The following TESK2 variants were observed in gnomAD, a reference collection of about 807,000 sequenced individuals.
TESK2 encodes dual specificity testis-specific protein kinase 2.
In TESK2, 39 loss-of-function variants were observed where a neutral mutation model predicts 57.1. The ratio of observed to expected loss-of-function variants is 0.68; its 90% CI spans 0.53 to 0.89. The LOEUF (loss-of-function observed/expected upper bound fraction) is 0.89, where lower values mean the gene tolerates loss of function less well. Among genes scored for constraint, TESK2 ranks in the 40% least tolerant of loss-of-function variants. TESK2 has a pLI of 0.00. For missense variants in TESK2, 646 were observed against 732.1 expected (o/e 0.88, Z 1.36); for synonymous variants, 249 against 267.9 (o/e 0.93, Z 0.69).
At chr1:45,405,255 A>G (rs140387944) in intron 3 of TESK2, among the ~76,000 whole-genome samples, 8 of 152,110 alleles carry the variant, frequency 5.3e-5, no homozygotes, top group Non-Finnish European at 1.0e-4. Flanking sequence ...TGCCAAGTTG[A>G]TATCTCCTGA....
chr1:45,423,164 G>A (rs79019514), intron 2 of TESK2, among the ~76,000 whole-genome samples: 1 of 152,126 alleles, frequency 6.6e-6, no homozygotes, highest in African/African-American at 2.4e-5. Flanking sequence ...CATTCTAAGT[G>A]TGCAAAACGA....
At chr1:45,362,127 T>G (rs1396245819) in intron 4 of TESK2, among the ~76,000 whole-genome samples, 1 of 152,176 alleles carries the variant, frequency 6.6e-6, no homozygotes, top group African/African-American at 2.4e-5. Context: ...CACCAAACAC[T>G]GAATCTGCCT....
At chr1:45,384,593 A>T (rs1460198958) in intron 4 of TESK2, among the ~76,000 whole-genome samples, 35 of 70,870 alleles carry the variant, frequency 4.9e-4, no homozygotes, top group African/African-American at 8.5e-4. Flanking sequence ...CTAATTATTA[A>T]TTTTTTTTTT....
chr1:45,413,797 T>A (rs1650130313), intron 3 of TESK2: 3 of 455,904 alleles, frequency 6.6e-6, no homozygotes, highest in South Asian at 4.6e-5. Context: ...AATCCTAGGG[T>A]TCCAAGAGAT....
intron 2 of TESK2, among the ~76,000 whole-genome samples, chr1:45,438,019 A>G (rs1458102295): frequency 6.6e-6 from 1 of 152,118 alleles, no homozygotes; most frequent in East Asian, 1.9e-4. Context: ...TCACCCAATG[A>G]CTCTGAAAAC....
intron 3 of TESK2, among the ~76,000 whole-genome samples, chr1:45,418,589 C>G (rs1557565224): frequency 6.6e-6 from 1 of 152,148 alleles, no homozygotes; most frequent in Non-Finnish European, 1.5e-5. Context: ...GAGACTTTGG[C>G]CCATACATAA....
intron 4 of TESK2, among the ~76,000 whole-genome samples, chr1:45,381,472 T>C (rs761480517): frequency 9.2e-5 from 14 of 152,184 alleles, no homozygotes; most frequent in Non-Finnish European, 1.8e-4. Flanking sequence ...GTCATATTCT[T>C]GCTATTCTGG....
At chr1:45,422,759 T>TTTGTTGTTGTTGTTGTTG (rs140964940) in intron 2 of TESK2, among the ~76,000 whole-genome samples, 1,632 of 146,994 alleles carry the variant, frequency 0.011, 19 homozygotes, top group Non-Finnish European at 0.011. Flanking sequence ...TGTCTGGTTT[T>TTTGTTGTTGTTGTTGTTG]TTGTTGTTGT....
At chr1:45,393,464 C>T (rs766508200) in intron 3 of TESK2, among the ~76,000 whole-genome samples, 3 of 152,088 alleles carry the variant, frequency 2.0e-5, no homozygotes, top group Admixed American at 6.5e-5. Flanking sequence ...AAAGAGCGGC[C>T]GGGCATAGTG....
At chr1:45,449,771 T>G (rs1317348528) in intron 2 of TESK2, among the ~76,000 whole-genome samples, 1 of 152,182 alleles carries the variant, frequency 6.6e-6, no homozygotes, top group African/African-American at 2.4e-5. Context: ...AGTAGACAGT[T>G]TTTTATGCTT....
At chr1:45,457,447 TC>T in intron 2 of TESK2, 116 bp downstream of exon 2, 1 of 897,372 alleles carries the variant, frequency 1.1e-6, no homozygotes, top group Non-Finnish European at 1.8e-6. Context: ...AGAACAGTGT[TC>T]AAGATCCACA....
At chr1:45,489,804 A>G (rs1467275429) in intron 1 of TESK2, among the ~76,000 whole-genome samples, 1 of 152,174 alleles carries the variant, frequency 6.6e-6, no homozygotes, top group African/African-American at 2.4e-5. Context: ...AACAAAAACT[A>G]ACAAACAAAC....
chr1:45,428,593 C>G (rs1650796112), intron 2 of TESK2, among the ~76,000 whole-genome samples: 1 of 152,028 alleles, frequency 6.6e-6, no homozygotes, highest in Non-Finnish European at 1.5e-5. Flanking sequence ...GCCTCCCCCT[C>G]CTGAGATCAA....
intron 3 of TESK2, among the ~76,000 whole-genome samples, chr1:45,410,284 T>G (rs915469010): frequency 6.6e-6 from 1 of 152,144 alleles, no homozygotes; most frequent in African/African-American, 2.4e-5. Context: ...CTTTATTATT[T>G]TTTTTTCAAC....
intron 4 of TESK2, among the ~76,000 whole-genome samples, chr1:45,356,093 A>G (rs1647409032): frequency 6.6e-6 from 1 of 152,168 alleles, no homozygotes; most frequent in African/African-American, 2.4e-5. Context: ...ATACAGAGAA[A>G]GGGAAATAGG....
chr1:45,395,479 C>T (rs1446426927), intron 3 of TESK2, among the ~76,000 whole-genome samples: 1 of 152,052 alleles, frequency 6.6e-6, no homozygotes, highest in African/African-American at 2.4e-5. Context: ...TGTTGTTGAC[C>T]AAAACATCTT....
chr1:45,366,617 T>A (rs1647930554), intron 4 of TESK2, among the ~76,000 whole-genome samples: 1 of 152,152 alleles, frequency 6.6e-6, no homozygotes, highest in Non-Finnish European at 1.5e-5. Context: ...TGGCAGGAAC[T>A]AGGTCCTGCT....
At chr1:45,440,217 G>T (rs764669717) in intron 2 of TESK2, among the ~76,000 whole-genome samples, 1 of 151,842 alleles carries the variant, frequency 6.6e-6, no homozygotes, top group Non-Finnish European at 1.5e-5. Context: ...CTCCCAAAGT[G>T]CTGGGATTAA....
chr1:45,465,192 C>T (rs1424488888), intron 1 of TESK2, among the ~76,000 whole-genome samples: 3 of 151,900 alleles, frequency 2.0e-5, no homozygotes, highest in Non-Finnish European at 2.9e-5. Context: ...GCCAAGATCA[C>T]GCCACTGCAC....
Sources: allele counts gnomAD v4.1 joint callset (sites outside exome capture counted in the v4.1 genomes callset), GRCh38; gene constraint gnomAD v4.1.1; transcripts MANE v1.5; gene names NCBI Gene and HGNC (gene_info 2026-07-23, HGNC 2026-07-21).